ATRNL1: variants seen among roughly 807,000 people sequenced by gnomAD.
The protein encoded by ATRNL1 is attractin-like protein 1.
Under a neutral mutation model 182.7 loss-of-function variants are expected in ATRNL1, and 95 were observed. That is an observed-to-expected ratio of 0.52 (90% CI 0.44 to 0.62). The LOEUF is 0.62. ATRNL1 is among the 20% of genes least tolerant of loss of function. ATRNL1 has a pLI of 0.00. For missense variants in ATRNL1, 1,471 were observed against 1,679.5 expected (o/e 0.88, Z 2.17); for synonymous variants, 576 against 568.3 (o/e 1.01, Z -0.19).
chr10:115,758,217 GT>G (rs1476778983), intron 27 of ATRNL1, among the ~76,000 whole-genome samples: 1 of 152,048 alleles, frequency 6.6e-6, no homozygotes, highest in African/African-American at 2.4e-5. Flanking sequence ...GCGAGAAGTT[GT>G]GATCCTTTGG....
At chr10:115,437,153 C>CGTGA (rs1212951348) in intron 21 of ATRNL1, among the ~76,000 whole-genome samples, 2 of 151,776 alleles carry the variant, frequency 1.3e-5, no homozygotes, top group African/African-American at 4.8e-5. Context: ...TACAAAGGTT[C>CGTGA]GTGACTAGAA....
At chr10:115,664,532 A>G (rs1033526682) in intron 26 of ATRNL1, among the ~76,000 whole-genome samples, 4 of 152,174 alleles carry the variant, frequency 2.6e-5, no homozygotes, top group African/African-American at 9.6e-5. Flanking sequence ...ATCACGGTGT[A>G]TAAATAAGCA....
At chr10:115,656,123 C>T (rs1236071674) in intron 26 of ATRNL1, among the ~76,000 whole-genome samples, 7 of 152,088 alleles carry the variant, frequency 4.6e-5, no homozygotes, top group African/African-American at 1.7e-4. Context: ...ATTATTGGCC[C>T]GTTTCACTGT....
intron 19 of ATRNL1, among the ~76,000 whole-genome samples, chr10:115,360,535 G>T (rs1243020216): frequency 2.0e-5 from 3 of 151,366 alleles, no homozygotes; most frequent in African/African-American, 4.8e-5. Flanking sequence ...TAACATTGAT[G>T]CATATTGTTA....
At chr10:115,442,777 T>C (rs1846760037) in intron 21 of ATRNL1, among the ~76,000 whole-genome samples, 1 of 152,138 alleles carries the variant, frequency 6.6e-6, no homozygotes, top group Middle Eastern at 3.2e-3. Context: ...GGCTTTCTCT[T>C]CTATTAATAG....
intron 27 of ATRNL1, among the ~76,000 whole-genome samples, chr10:115,803,599 G>GTTT (rs71999018): frequency 2.4e-4 from 35 of 146,920 alleles, no homozygotes; most frequent in African/African-American, 8.0e-4. Flanking sequence ...GTTTTTTTGT[G>GTTT]TTTTTTTTTT....
chr10:115,857,333 T>C (rs1555102375), intron 28 of ATRNL1, among the ~76,000 whole-genome samples: 1 of 152,188 alleles, frequency 6.6e-6, no homozygotes, highest in Non-Finnish European at 1.5e-5. Flanking sequence ...ACCCCCATTT[T>C]ATTCAAAGGT....
intron 20 of ATRNL1, among the ~76,000 whole-genome samples, chr10:115,407,132 A>T (rs577974239): frequency 1.6e-4 from 24 of 152,248 alleles, no homozygotes; most frequent in Admixed American, 4.6e-4. Context: ...TGACACGATA[A>T]TGGTACATAT....
At chr10:115,538,931 G>A (rs1554991213) in intron 25 of ATRNL1, among the ~76,000 whole-genome samples, 1 of 152,120 alleles carries the variant, frequency 6.6e-6, no homozygotes, top group Non-Finnish European at 1.5e-5. Context: ...AAAAACCATT[G>A]TGTTATAATT....
At chr10:115,252,764 A>C (rs139742328) in intron 10 of ATRNL1, among the ~76,000 whole-genome samples, 2 of 152,158 alleles carry the variant, frequency 1.3e-5, no homozygotes, top group Admixed American at 1.3e-4. Context: ...GCCTTTCATT[A>C]TCTTTTTCTA....
intron 26 of ATRNL1, among the ~76,000 whole-genome samples, chr10:115,595,353 C>T (rs1332939731): frequency 6.6e-6 from 1 of 152,056 alleles, no homozygotes; most frequent in Non-Finnish European, 1.5e-5. Context: ...ATATCAAGCA[C>T]ACATGAATTA....
intron 28 of ATRNL1, among the ~76,000 whole-genome samples, chr10:115,860,733 A>G (rs1951296932): frequency 6.6e-6 from 1 of 152,184 alleles, no homozygotes; most frequent in Admixed American, 6.5e-5. Context: ...TCATGCTGAT[A>G]ACTTCCGGGA....
In ATRNL1 at chr10:115,419,803, C is replaced by T. The variant is rs181151035; in HGVS notation, c.3270-6447C>T. Among the ~76,000 whole-genome samples, 567 of 152,228 alleles carry T rather than the reference C, an allele frequency of 3.7e-3. 3 individuals carry two copies. The highest frequency in any genetic ancestry group is 6.4e-3 in the Non-Finnish European group (435 of 68,006). On this transcript the variant is annotated intron_variant, in intron 20 of 28. Transcript: ENST00000355044. ...TAATAGATTTAAAGGGAGAGATAGA[C>T]TGTAACACAATAATAGTAGGGGACT...
chr10:115,268,298 G>C (rs1554911530), intron 12 of ATRNL1, 28 bp from the exon 13 acceptor site: 2 of 1,287,250 alleles, frequency 1.6e-6, no homozygotes, highest in African/African-American at 2.9e-5. Flanking sequence ...TTTCCGTGCT[G>C]ATATATCGTC....
At chr10:115,636,046 A>G (rs373044786) in intron 26 of ATRNL1, among the ~76,000 whole-genome samples, 23 of 152,192 alleles carry the variant, frequency 1.5e-4, no homozygotes, top group Non-Finnish European at 2.8e-4. Context: ...TACTGCTAAT[A>G]TAGGATTTCT....
intron 19 of ATRNL1, among the ~76,000 whole-genome samples, chr10:115,346,651 C>T (rs1425653234): frequency 6.6e-6 from 1 of 151,984 alleles, no homozygotes; most frequent in Non-Finnish European, 1.5e-5. Context: ...GTATTTGTGT[C>T]TTTTCATATG....
chr10:115,709,206 T>G lies in ATRNL1; in HGVS notation c.3796-18042T>G, dbSNP rs74158258. Among the ~76,000 whole-genome samples, 1,498 of 151,998 alleles carry G rather than the reference T, an allele frequency of 9.9e-3. 23 individuals carry two copies. The highest frequency in any genetic ancestry group is 0.034 in the African/African-American group (1,417 of 41,542). On this transcript the variant is annotated intron_variant, in intron 26 of 28. Transcript: ENST00000355044. ...ATATTTATTTGAATTTTGACCTACTTGGCCTTAGAATTGTCAGTGAATATA... is the reference window on the plus strand; with the variant it reads ...ATATTTATTTGAATTTTGACCTACTGGGCCTTAGAATTGTCAGTGAATATA...
At chr10:115,442,067 C>A (rs1424288637) in intron 21 of ATRNL1, among the ~76,000 whole-genome samples, 1 of 152,004 alleles carries the variant, frequency 6.6e-6, no homozygotes, top group Non-Finnish European at 1.5e-5. Flanking sequence ...TTCAGACATT[C>A]TCCAATCGGC....
chr10:115,926,805 G>T (rs1434992223), intron 28 of ATRNL1, among the ~76,000 whole-genome samples: 1 of 152,094 alleles, frequency 6.6e-6, no homozygotes, highest in Non-Finnish European at 1.5e-5. Context: ...GGACCAGAAG[G>T]ATTCACAGCC....
Sources: allele counts gnomAD v4.1 joint callset (sites outside exome capture counted in the v4.1 genomes callset), GRCh38; gene constraint gnomAD v4.1.1; transcripts MANE v1.5; gene names NCBI Gene and HGNC (gene_info 2026-07-23, HGNC 2026-07-21).